The following ST6GALNAC5 variants were observed in gnomAD, a reference collection of about 807,000 sequenced individuals.
ST6GALNAC5 encodes the protein ST6 N-acetylgalactosaminide alpha-2,6-sialyltransferase 5.
A neutral mutation model predicts 33.6 loss-of-function variants in ST6GALNAC5; 27 were observed. That is an observed-to-expected ratio of 0.80 (90% CI 0.59 to 1.11). The LOEUF (loss-of-function observed/expected upper bound fraction) is 1.11, where lower values mean the gene tolerates loss of function less well. ST6GALNAC5 is among the 50% of genes least tolerant of loss of function. The pLI, the probability that ST6GALNAC5 is intolerant of heterozygous loss-of-function variation, is 0.00. For missense variants in ST6GALNAC5, 428 were observed against 454.0 expected (o/e 0.94, Z 0.52); for synonymous variants, 194 against 171.2 (o/e 1.13, Z -1.04).
At chr1:77,057,358 C>T (rs1330458988) in intron 4 of ST6GALNAC5, among the ~76,000 whole-genome samples, 1 of 152,176 alleles carries the variant, frequency 6.6e-6, no homozygotes, top group Non-Finnish European at 1.5e-5. Flanking sequence ...GACAGATTAA[C>T]AAGAGAAAAG....
chr1:76,899,780 T>C (rs1247811650), intron 2 of ST6GALNAC5, among the ~76,000 whole-genome samples: 1 of 151,970 alleles, frequency 6.6e-6, no homozygotes, highest in Non-Finnish European at 1.5e-5. Context: ...AGAAAGACGT[T>C]GAGGGATAGT....
chr1:77,031,915 G>A (rs1439621386), intron 2 of ST6GALNAC5, among the ~76,000 whole-genome samples: 3 of 152,168 alleles, frequency 2.0e-5, no homozygotes, highest in South Asian at 4.1e-4. Flanking sequence ...TCAATATGAT[G>A]AGAATTATAA....
At chr1:77,034,949 T>C (rs1651595624) in intron 2 of ST6GALNAC5, among the ~76,000 whole-genome samples, 1 of 152,198 alleles carries the variant, frequency 6.6e-6, no homozygotes, top group African/African-American at 2.4e-5. Flanking sequence ...CTTTCGTGTA[T>C]GGTTTTGAAC....
chr1:77,019,430 C>T (rs1650973282), intron 2 of ST6GALNAC5, among the ~76,000 whole-genome samples: 3 of 152,140 alleles, frequency 2.0e-5, no homozygotes, highest in Admixed American at 6.5e-5. Context: ...GTGTGAGACT[C>T]GCAAAATCTC....
At chr1:76,991,839 G>GCA (rs4032991) in intron 2 of ST6GALNAC5, among the ~76,000 whole-genome samples, 24,289 of 149,358 alleles carry the variant, frequency 0.16, 1,972 homozygotes, top group East Asian at 0.34. Context: ...ACGCGTGTGC[G>GCA]CACACACACA....
At chr1:76,935,886 C>T (rs952906126) in intron 2 of ST6GALNAC5, among the ~76,000 whole-genome samples, 1 of 151,998 alleles carries the variant, frequency 6.6e-6, no homozygotes, top group African/African-American at 2.4e-5. Context: ...GTTCTACTTC[C>T]ATGAGCTTAC....
chr1:76,917,248 G>A (rs1448067655), intron 2 of ST6GALNAC5, among the ~76,000 whole-genome samples: 5 of 152,040 alleles, frequency 3.3e-5, no homozygotes, highest in African/African-American at 4.8e-5. Flanking sequence ...GAGCACTACA[G>A]TTATAAGCAA....
intron 2 of ST6GALNAC5, among the ~76,000 whole-genome samples, chr1:76,884,510 G>A (rs1653850329): frequency 6.6e-6 from 1 of 152,194 alleles, no homozygotes; most frequent in Admixed American, 6.5e-5. Context: ...ACTTTAGTAT[G>A]TAAAAGTGCC....
intron 2 of ST6GALNAC5, among the ~76,000 whole-genome samples, chr1:76,965,602 T>G (rs1054335062): frequency 6.6e-6 from 1 of 152,242 alleles, no homozygotes; most frequent in Admixed American, 6.5e-5. Context: ...GCAGAAGCTC[T>G]TTAGTTTAAT....
At chr1:76,957,208 G>A (rs1648038175) in intron 2 of ST6GALNAC5, among the ~76,000 whole-genome samples, 1 of 152,020 alleles carries the variant, frequency 6.6e-6, no homozygotes, top group Admixed American at 6.6e-5. Context: ...GTATTGGCAG[G>A]GCCATGCTCC....
At chr1:76,958,612 GT>G (rs1367644766) in intron 2 of ST6GALNAC5, among the ~76,000 whole-genome samples, 1 of 150,830 alleles carries the variant, frequency 6.6e-6, no homozygotes, top group Non-Finnish European at 1.5e-5. Context: ...TTTTGTTGTT[GT>G]TTTTTTGTTT....
intron 2 of ST6GALNAC5, among the ~76,000 whole-genome samples, chr1:77,028,621 C>T (rs975410882): frequency 3.9e-5 from 6 of 152,216 alleles, no homozygotes; most frequent in African/African-American, 1.4e-4. Context: ...TGAAGTGACA[C>T]ACAAATGGCT....
At chr1:76,919,866 C>A (rs1207770912) in intron 2 of ST6GALNAC5, among the ~76,000 whole-genome samples, 1 of 152,128 alleles carries the variant, frequency 6.6e-6, no homozygotes, top group Non-Finnish European at 1.5e-5. Flanking sequence ...AGTATCACTA[C>A]ACTAATGAAT....
chr1:76,904,344 C>T (rs1646845101), intron 2 of ST6GALNAC5, among the ~76,000 whole-genome samples: 1 of 152,076 alleles, frequency 6.6e-6, no homozygotes, highest in Non-Finnish European at 1.5e-5. Context: ...TGACAGGTAT[C>T]CATACCTTTA....
chr1:76,874,941 A>G (rs900291507), intron 2 of ST6GALNAC5, among the ~76,000 whole-genome samples: 4 of 152,244 alleles, frequency 2.6e-5, no homozygotes. Context: ...TATCCTTCAT[A>G]CAACTGGAAA....
chr1:77,036,503 C>A (rs550534748), intron 2 of ST6GALNAC5, among the ~76,000 whole-genome samples: 9 of 152,312 alleles, frequency 5.9e-5, no homozygotes, highest in Admixed American at 1.3e-4. Flanking sequence ...CCTGCACCTC[C>A]CTCTGAAGGT....
At chr1:77,046,075 T>C (rs1651997972) in intron 3 of ST6GALNAC5, among the ~76,000 whole-genome samples, 1 of 152,192 alleles carries the variant, frequency 6.6e-6, no homozygotes, top group Non-Finnish European at 1.5e-5. Flanking sequence ...TGTGATGTAA[T>C]TTACCCCTCT....
chr1:77,045,223 G>C (rs1651968615), intron 3 of ST6GALNAC5, among the ~76,000 whole-genome samples: 1 of 152,230 alleles, frequency 6.6e-6, no homozygotes, highest in Non-Finnish European at 1.5e-5. Flanking sequence ...AATCAATGTA[G>C]TGAGGCACTG....
chr1:76,963,058 AG>A (rs1056347169), intron 2 of ST6GALNAC5, among the ~76,000 whole-genome samples: 1 of 152,160 alleles, frequency 6.6e-6, no homozygotes, highest in Non-Finnish European at 1.5e-5. Context: ...TAGGATTACC[AG>A]GGACATTTGT....
Sources: gnomAD v4.1 joint callset for allele counts (sites outside exome capture counted in the v4.1 genomes callset) on GRCh38, gnomAD v4.1.1 for gene constraint, MANE v1.5 for transcripts, NCBI Gene and HGNC (gene_info 2026-07-23, HGNC 2026-07-21) for gene names.